Variants in DACH1 observed in about 807,000 individuals in gnomAD.
DACH1 encodes dachshund family transcription factor 1, also known as dachshund homolog 1.
A neutral mutation model predicts 54.2 loss-of-function variants in DACH1; 12 were observed. The ratio of observed to expected loss-of-function variants is 0.22; its 90% CI spans 0.14 to 0.36. DACH1 has a LOEUF of 0.36. Among genes scored for constraint, DACH1 ranks in the 10% least tolerant of loss-of-function variants. The pLI, the probability that DACH1 is intolerant of heterozygous loss-of-function variation, is 1.00. For missense variants in DACH1, 805 were observed against 929.8 expected, an observed-to-expected ratio of 0.87 and a Z score of 1.75; for synonymous variants, 386 against 366.2, an observed-to-expected ratio of 1.05 and a Z score of -0.62.
intron 1 of DACH1, among the ~76,000 whole-genome samples, chr13:71,800,772 A>C (rs533601696): frequency 1.3e-5 from 2 of 152,224 alleles, no homozygotes; most frequent in Admixed American, 1.3e-4. Flanking sequence ...ATGGTATTTT[A>C]ATAGGATTCA....
intron 6 of DACH1, among the ~76,000 whole-genome samples, chr13:71,552,149 A>T (rs1883856123): frequency 6.6e-6 from 1 of 152,162 alleles, no homozygotes; most frequent in African/African-American, 2.4e-5. Flanking sequence ...TCAAGAAAAA[A>T]ATCTGTATAA....
chr13:71,810,854 CTTTAA>C (rs1413330611), intron 1 of DACH1, among the ~76,000 whole-genome samples: 3 of 152,098 alleles, frequency 2.0e-5, no homozygotes, highest in Non-Finnish European at 4.4e-5. Flanking sequence ...GCCCTTGATT[CTTTAA>C]TTTGTGTGTT....
intron 1 of DACH1, among the ~76,000 whole-genome samples, chr13:71,783,829 T>C (rs529936808): frequency 6.6e-6 from 1 of 151,264 alleles, no homozygotes; most frequent in South Asian, 2.1e-4. Flanking sequence ...ATAATTTAGG[T>C]TTGATTTAAG....
intron 2 of DACH1, among the ~76,000 whole-genome samples, chr13:71,669,220 T>C (rs923757796): frequency 6.6e-6 from 1 of 152,160 alleles, no homozygotes; most frequent in Non-Finnish European, 1.5e-5. Context: ...TGTTAGGACC[T>C]GGGCCACACA....
At chr13:71,509,962 T>G (rs989781615) in intron 6 of DACH1, among the ~76,000 whole-genome samples, 1 of 152,104 alleles carries the variant, frequency 6.6e-6, no homozygotes, top group African/African-American at 2.4e-5. Flanking sequence ...AGTTCTCTAG[T>G]ATAACTACTT....
At chr13:71,626,117 C>T (rs1228444349) in intron 3 of DACH1, among the ~76,000 whole-genome samples, 1 of 151,824 alleles carries the variant, frequency 6.6e-6, no homozygotes, top group Non-Finnish European at 1.5e-5. Context: ...AAATTATACT[C>T]CACAAAATGT....
intron 2 of DACH1, among the ~76,000 whole-genome samples, chr13:71,676,342 C>T (rs1423461990): frequency 6.6e-6 from 1 of 152,180 alleles, no homozygotes; most frequent in Non-Finnish European, 1.5e-5. Flanking sequence ...CTCAGCCTCC[C>T]GAGTAGCTGG....
At chr13:71,792,545 A>G (rs1324635782) in intron 1 of DACH1, among the ~76,000 whole-genome samples, 1 of 152,208 alleles carries the variant, frequency 6.6e-6, no homozygotes, top group East Asian at 1.9e-4. Context: ...CAGGGTGAAC[A>G]AAAAATATTG....
rs1885288280 is a variant in DACH1 at position 71,572,702 on chromosome 13, A to T, written c.1299+138T>A. The T allele has an allele frequency of 3.3e-6, 3 of 907,130 alleles. No homozygotes were observed. In the African/African-American group the frequency reaches 5.1e-5, roughly 15 times the overall value. The allele number at this position is 907,130 out of a possible 1,614,324, so 56.2% of individuals were successfully genotyped here. ...ATGTGCCCCTGGGGCCATTTGCTAC[A>T]AGTGATTTTTTTTAATAGTCTATTT... On this transcript the variant is annotated intron_variant, in intron 4 of 10. Coordinates refer to ENST00000613252, the MANE Select transcript of DACH1 (RefSeq NM_080759.6).
At chr13:71,443,319 A>G (rs1406199269) in intron 10 of DACH1, among the ~76,000 whole-genome samples, 1 of 151,774 alleles carries the variant, frequency 6.6e-6, no homozygotes, top group Admixed American at 6.6e-5. Context: ...CAGGACTGGG[A>G]GTGGTGGCTC....
chr13:71,797,763 A>G (rs1887116633), intron 1 of DACH1, among the ~76,000 whole-genome samples: 1 of 152,080 alleles, frequency 6.6e-6, no homozygotes, highest in Non-Finnish European at 1.5e-5. Flanking sequence ...ACAGACCCGC[A>G]TCCACAGATG....
chr13:71,809,975 A>G (rs1033279160), intron 1 of DACH1, among the ~76,000 whole-genome samples: 1 of 152,214 alleles, frequency 6.6e-6, no homozygotes, highest in African/African-American at 2.4e-5. Flanking sequence ...GGAAGGCCAT[A>G]GTAGACAATG....
intron 7 of DACH1, among the ~76,000 whole-genome samples, chr13:71,480,392 T>A (rs894728554): frequency 2.0e-5 from 3 of 152,306 alleles, no homozygotes; most frequent in African/African-American, 7.2e-5. Flanking sequence ...TATATAAATA[T>A]GTATATATTT....
intron 2 of DACH1, among the ~76,000 whole-genome samples, chr13:71,676,642 GA>G (rs575566855): frequency 5.3e-5 from 8 of 152,076 alleles, no homozygotes; most frequent in African/African-American, 1.4e-4. Flanking sequence ...CTATTTAGTA[GA>G]AAAAAAGAAA....
At chr13:71,813,487 A>T (rs1353712215) in intron 1 of DACH1, among the ~76,000 whole-genome samples, 3 of 152,188 alleles carry the variant, frequency 2.0e-5, no homozygotes, top group Non-Finnish European at 4.4e-5. Context: ...CTCCATCCAC[A>T]GATGCCTACC....
At chr13:71,684,624 G>T (rs751114853) in intron 1 of DACH1, among the ~76,000 whole-genome samples, 2 of 151,936 alleles carry the variant, frequency 1.3e-5, no homozygotes, top group Non-Finnish European at 2.9e-5. Context: ...TGTGCTCTAC[G>T]ATAGAGCATG....
rs542937730 is a variant in DACH1, at chr13:71,440,400, G to A, written c.*255C>T. On this transcript the variant is annotated 3_prime_UTR_variant, in exon 11 of 11. Transcript: ENST00000613252. ...GTATACAATTGTCCAGCAGCAAGTT[G>A]CAGTAATTAACTGTAAGAACTTTGA... 81 of 400,302 alleles carry A rather than the reference G, an allele frequency of 2.0e-4. No individual in the cohort carries two copies. Among genetic ancestry groups the A allele is most frequent in the Non-Finnish European group, 3.4e-4 (77 of 225,174 alleles). The allele number at this position is 400,302 out of a possible 1,614,324, so 24.8% of individuals were successfully genotyped here. A position where few individuals can be genotyped will look rare whatever the true frequency, so the allele number is the denominator to read the frequency against.
intron 1 of DACH1, among the ~76,000 whole-genome samples, chr13:71,834,535 G>T (rs1888708447): frequency 6.6e-6 from 1 of 152,018 alleles, no homozygotes; most frequent in Admixed American, 6.6e-5. Context: ...CTATATAAAA[G>T]AAAGTAGTCC....
At chr13:71,731,115 G>A (rs1217648884) in intron 1 of DACH1, among the ~76,000 whole-genome samples, 1 of 151,882 alleles carries the variant, frequency 6.6e-6, no homozygotes, top group Non-Finnish European at 1.5e-5. Flanking sequence ...AACTCCATGA[G>A]GAAAGCTCTC....
Sources: allele counts gnomAD v4.1 joint callset (sites outside exome capture counted in the v4.1 genomes callset), GRCh38; gene constraint gnomAD v4.1.1; transcripts MANE v1.5; gene names NCBI Gene and HGNC (gene_info 2026-07-23, HGNC 2026-07-21).